PDCL3: variants seen among roughly 807,000 people sequenced by gnomAD.
The protein encoded by PDCL3 is phosducin-like protein 3.
A neutral mutation model predicts 26.5 loss-of-function variants in PDCL3; 22 were observed. The ratio of observed to expected loss-of-function variants is 0.83; its 90% CI spans 0.59 to 1.19. The LOEUF (loss-of-function observed/expected upper bound fraction) is 1.19. Ranked by LOEUF, PDCL3 falls within the 50% of genes most tolerant of loss-of-function variation. The pLI is 0.00. For synonymous variants in PDCL3, 81 were observed against 104.9 expected (o/e 0.77, Z 1.39); for missense variants, 246 against 294.1 (o/e 0.84, Z 1.20).
Position 100,563,032 on chromosome 2 carries a change from G to A in PDCL3, c.-36G>A, listed in dbSNP as rs775554606. The A allele has an allele frequency of 6.3e-7, 1 of 1,593,022 alleles. No individual in the cohort carries two copies. On this transcript the variant is annotated 5_prime_UTR_variant, in exon 1 of 6. Transcript: ENST00000264254. ...GAGAGCTGAGGGGCGGGGGCGCTGC[G>A]GCACAGCTGGTTTGAGCAACTGAAC...
chr2:100,571,677 A>T lies in PDCL3; in HGVS notation c.456A>T (p.Thr152=). 1 of 1,613,682 alleles carries T rather than the reference A, an allele frequency of 6.2e-7. No individual in the cohort carries two copies. The highest frequency in any genetic ancestry group is 1.7e-5 in the Admixed American group (1 of 60,002). ...PDVKFIKAIS[T]TCIPNYPDRN... is the part of the protein sequence containing the mutation. ...TCAAATTTATCAAAGCCATTTCAAC[A>T]ACCTGCATACCCAATTATCCTGATA... The change falls in exon 5 of 6, where the codon ACA becomes ACT. Residue 152 remains threonine, a synonymous_variant. Coordinates refer to ENST00000264254, the MANE Select transcript of PDCL3 (RefSeq NM_024065.5).
At chr2:100,569,156 T>G (rs1675118006) in intron 3 of PDCL3, 135 bp downstream of exon 3, 1 of 723,892 alleles carries the variant, frequency 1.4e-6, no homozygotes, top group Non-Finnish European at 2.3e-6. Context: ...TTTGGGAGGC[T>G]GAGGCAGGCA....
intron 1 of PDCL3, 199 bp downstream of exon 1, chr2:100,563,272 C>G (rs946225173): frequency 1.3e-5 from 7 of 548,828 alleles, no homozygotes; most frequent in Non-Finnish European, 1.8e-5. Flanking sequence ...TGGGCGTCCC[C>G]GCCTCGGTGT....
intron 2 of PDCL3, among the ~76,000 whole-genome samples, chr2:100,566,926 T>G (rs1675071453): frequency 6.6e-6 from 1 of 152,242 alleles, no homozygotes; most frequent in South Asian, 2.1e-4. Context: ...TTCAAGGTTT[T>G]TAGTACTTGT....
chr2:100,563,727 T>C (rs1675002612), intron 1 of PDCL3, among the ~76,000 whole-genome samples: 1 of 151,658 alleles, frequency 6.6e-6, no homozygotes, highest in Admixed American at 6.6e-5. Context: ...GAAAACACCA[T>C]GGAAATGGGC....
intron 2 of PDCL3, 52 bp from the exon 3 acceptor site, chr2:100,568,879 T>C: frequency 1.4e-6 from 2 of 1,420,146 alleles, no homozygotes; most frequent in East Asian, 2.3e-5. Context: ...GAAAAATACA[T>C]GTTCGTTCAT....
chr2:100,571,985 T>C, intron 5 of PDCL3, 187 bp downstream of exon 5: 1 of 606,588 alleles, frequency 1.6e-6, no homozygotes. Flanking sequence ...AACTGGGCTC[T>C]ACTGATTCTT....
chr2:100,571,564 T>G, intron 4 of PDCL3, 26 bp from the exon 5 acceptor site: 2 of 1,603,862 alleles, frequency 1.2e-6, no homozygotes, highest in Non-Finnish European at 1.7e-6. Flanking sequence ...TCATAATTGC[T>G]TCTGTTTTCT....
chr2:100,574,833 G>T lies in PDCL3; in HGVS notation c.578-1521G>T, dbSNP rs184270627. Among the ~76,000 whole-genome samples the T allele has an allele frequency of 4.7e-3, 710 of 152,312 alleles. 4 individuals are homozygous for T. Among genetic ancestry groups the T allele is most frequent in the Middle Eastern group, 0.01 (3 of 294 alleles). ...TAAGTAAAATTCAACTGAGCACGTT[G>T]GCTGAAGCCTGTAATCCTAGCATGT... On this transcript the variant is annotated intron_variant, in intron 5 of 5. Coordinates refer to ENST00000264254, the MANE Select transcript of PDCL3 (RefSeq NM_024065.5).
rs1675168982 is a variant in PDCL3 at position 100,571,589 on chromosome 2, G to T, written c.369-1G>T. On this transcript the variant is annotated splice_acceptor_variant, in intron 4 of 5. Coordinates refer to ENST00000264254, the MANE Select transcript of PDCL3 (RefSeq NM_024065.5). LOFTEE classifies it high-confidence loss of function. ...TTCTGTTTTCTATGTGTGTTTTATA[G>T]AATTCCCCTCTGTGCCCTGATAAAT... The T allele has an allele frequency of 6.2e-7, 1 of 1,612,292 alleles. No homozygotes were observed.
chr2:100,567,973 C>T (rs1229774046), intron 2 of PDCL3, among the ~76,000 whole-genome samples: 1 of 152,124 alleles, frequency 6.6e-6, no homozygotes, highest in Admixed American at 6.6e-5. Context: ...CAGACATGTG[C>T]CACCACGCCT....
At position 100,569,495 on chromosome 2, in the gene PDCL3, G is replaced by A. The variant is rs565610458; in HGVS notation, c.225-83G>A. 24 of 1,475,192 alleles carry A rather than the reference G, an allele frequency of 1.6e-5. No homozygotes were observed. The South Asian group carries it at 3.6e-4, about 22-fold the overall frequency. The allele number at this position is 1,475,192 out of a possible 1,614,324, so 91.4% of individuals were successfully genotyped here. The stretch of plus-strand genomic sequence containing the variant: ...GCCATAAGACCAATAAATAAACCTG[G>A]GCTTTTACAAGGATTGCCTTCTAGA... On this transcript the variant is annotated intron_variant, in intron 3 of 5. Coordinates refer to ENST00000264254, the MANE Select transcript of PDCL3 (RefSeq NM_024065.5).
chr2:100,571,498 C>T (rs1247431244), intron 4 of PDCL3, 92 bp from the exon 5 acceptor site: 7 of 1,141,248 alleles, frequency 6.1e-6, no homozygotes, highest in Non-Finnish European at 8.8e-6. Flanking sequence ...GAAACTGTTA[C>T]AAGGTTTTAC....
At chr2:100,575,348 G>T (rs575217923) in intron 5 of PDCL3, among the ~76,000 whole-genome samples, 8 of 152,226 alleles carry the variant, frequency 5.3e-5, no homozygotes, top group South Asian at 2.1e-4. Flanking sequence ...TGTTAGCCAG[G>T]ATGGTCTCGA....
At position 100,563,058 on chromosome 2, in the gene PDCL3, T is replaced by C. The variant is rs1287150538; in HGVS notation, c.-10T>C. Reference sequence around the variant, plus strand: ...GCACAGCTGGTTTGAGCAACTGAACTGGAAACAAGATGCAGGTGAGCTAGG... The same window carrying C: ...GCACAGCTGGTTTGAGCAACTGAACCGGAAACAAGATGCAGGTGAGCTAGG... On this transcript the variant is annotated 5_prime_UTR_variant, in exon 1 of 6. Coordinates refer to ENST00000264254, the MANE Select transcript of PDCL3 (RefSeq NM_024065.5). 4 of 1,603,858 alleles carry C rather than the reference T, an allele frequency of 2.5e-6. No individual in the cohort carries two copies. Among genetic ancestry groups the C allele is most frequent in the African/African-American group, 2.7e-5 (2 of 74,766 alleles).
At chr2:100,566,476 A>G in intron 1 of PDCL3, 27 bp from the exon 2 acceptor site, 2 of 1,610,926 alleles carry the variant, frequency 1.2e-6, no homozygotes, top group East Asian at 2.2e-5. Flanking sequence ...CTTAGCACTC[A>G]TGGTAACCTT....
intron 2 of PDCL3, 79 bp from the exon 3 acceptor site, chr2:100,568,850 GAA>G (rs1379707766): frequency 2.6e-6 from 3 of 1,152,608 alleles, no homozygotes; most frequent in Non-Finnish European, 3.9e-6. Flanking sequence ...ATCTTTAGGA[GAA>G]AAGAGAGGGG....
chr2:100,568,264 AT>A (rs1462194009), intron 2 of PDCL3, among the ~76,000 whole-genome samples: 1 of 133,790 alleles, frequency 7.5e-6, no homozygotes, highest in Non-Finnish European at 1.6e-5. Flanking sequence ...AAGCCATGAG[AT>A]TAGATGCAAT....
At chr2:100,563,546 G>C (rs1674997615) in intron 1 of PDCL3, 1 of 154,786 alleles carries the variant, frequency 6.5e-6, no homozygotes, top group Non-Finnish European at 1.4e-5. Flanking sequence ...CCCGAGCCCT[G>C]GGATCCGCTT....
Sources: allele counts gnomAD v4.1 joint callset (sites outside exome capture counted in the v4.1 genomes callset), GRCh38; gene constraint gnomAD v4.1.1; transcripts MANE v1.5; gene names NCBI Gene and HGNC (gene_info 2026-07-23, HGNC 2026-07-21).